ASH1L: variants seen among roughly 807,000 people sequenced by gnomAD.
ASH1L encodes ASH1 like histone lysine methyltransferase, also known as histone-lysine N-methyltransferase ASH1L.
In ASH1L, 23 loss-of-function variants were observed where a neutral mutation model predicts 269.0. The ratio of observed to expected loss-of-function variants is 0.09; its 90% CI spans 0.06 to 0.12. The LOEUF (loss-of-function observed/expected upper bound fraction) is 0.12. ASH1L is among the 10% of genes least tolerant of loss of function. The pLI, the probability that ASH1L is intolerant of heterozygous loss-of-function variation, is 1.00. For missense variants in ASH1L, 2,912 were observed against 3,567.8 expected (o/e 0.82, Z 4.68); for synonymous variants, 1,187 against 1,253.5 (o/e 0.95, Z 1.12).
At chr1:155,466,345 C>A (rs1391733618) in intron 3 of ASH1L, among the ~76,000 whole-genome samples, 2 of 151,942 alleles carry the variant, frequency 1.3e-5, no homozygotes, top group East Asian at 3.8e-4. Context: ...CAGAGTGAGA[C>A]CCCGTCTCAA....
Position 155,521,329 on chromosome 1 carries a change from T to G in ASH1L, c.191A>C (p.Asp64Ala). 1.2e-6 allele frequency: 2 copies of G among 1,614,198 alleles called. No individual in the cohort carries two copies. Among genetic ancestry groups the G allele is most frequent in the South Asian group, 2.2e-5 (2 of 91,086 alleles). The change falls in exon 2 of 28, where the codon GAT becomes GCT. Residue 64 changes from aspartate (D) to alanine (A), a missense_variant. Asp to Ala is a moderately radical substitution (Grantham distance 126). Around this residue, in one of 13 missense-constraint regions of ASH1L, gnomAD observed 115 missense variants for 101.5 expected, o/e 1.13. Transcript: ENST00000392403. The part of the protein sequence containing the change: ...RERNIEAGKD[D>A]GLTDAQQQFS... ...CTGTTGCTGTGCATCAGTCAAACCA[T>G]CATCTTTCCCAGCTTCGATGTTTCT...
chr1:155,461,062 T>A (rs115581297), intron 3 of ASH1L, among the ~76,000 whole-genome samples: 1,568 of 152,230 alleles, frequency 0.01, 29 homozygotes, highest in African/African-American at 0.036. Context: ...GGGAAAAAAT[T>A]ACAAATAAAA....
intron 1 of ASH1L, among the ~76,000 whole-genome samples, chr1:155,549,501 G>A (rs1023363959): frequency 1.3e-5 from 2 of 151,664 alleles, no homozygotes; most frequent in East Asian, 1.9e-4. Context: ...AGCCAGGCAC[G>A]GTAATCCCTG....
chr1:155,401,315 A>G (rs895364913), intron 6 of ASH1L, among the ~76,000 whole-genome samples: 1 of 151,750 alleles, frequency 6.6e-6, no homozygotes, highest in Non-Finnish European at 1.5e-5. Flanking sequence ...CTTCTCTACT[A>G]AAAATACAAA....
At chr1:155,412,241 CA>C (rs556050785) in intron 6 of ASH1L, among the ~76,000 whole-genome samples, 4,715 of 115,624 alleles carry the variant, frequency 0.041, 204 homozygotes, top group African/African-American at 0.13. Flanking sequence ...GACTCCGTCT[CA>C]AAAAAAAAAA....
At chr1:155,376,666 C>T (rs930625376) in intron 10 of ASH1L, among the ~76,000 whole-genome samples, 18 of 149,414 alleles carry the variant, frequency 1.2e-4, no homozygotes, top group South Asian at 2.1e-4. Context: ...CGACAGAGCG[C>T]GACTCTGTCT....
At chr1:155,424,380 A>G (rs1429244484) in intron 5 of ASH1L, among the ~76,000 whole-genome samples, 1 of 152,020 alleles carries the variant, frequency 6.6e-6, no homozygotes, top group Non-Finnish European at 1.5e-5. Flanking sequence ...GGTGGCTATG[A>G]AATTATTACA....
chr1:155,376,410 T>C (rs1656444232), intron 10 of ASH1L, among the ~76,000 whole-genome samples: 1 of 152,194 alleles, frequency 6.6e-6, no homozygotes, highest in African/African-American at 2.4e-5. Flanking sequence ...ATTCACTGAT[T>C]CTTTTTTATT....
chr1:155,546,836 T>C (rs1351008147), intron 1 of ASH1L, among the ~76,000 whole-genome samples: 1 of 150,946 alleles, frequency 6.6e-6, no homozygotes, highest in Non-Finnish European at 1.5e-5. Context: ...GACACTTATA[T>C]AACAAAGAAT....
At position 155,335,884 on chromosome 1, in the gene ASH1L, A is replaced by C. The variant is rs1381364250; in HGVS notation, c.*1776T>G. 1 of 152,386 alleles carries C rather than the reference A, an allele frequency of 6.6e-6. No individual in the cohort carries two copies. Among genetic ancestry groups the C allele is most frequent in the Admixed American group, 6.6e-5 (1 of 15,200 alleles). The allele number at this position is 152,386 out of a possible 1,614,324, so 9.4% of individuals were successfully genotyped here. On this transcript the variant is annotated 3_prime_UTR_variant, in exon 28 of 28. Transcript: ENST00000392403. ...AAAAGGAGACCCCCAAAGTGCCCCT[A>C]GTCCCACCTCCCTCCCACCCACTCC...
At chr1:155,557,141 A>C (rs1671648760) in intron 1 of ASH1L, among the ~76,000 whole-genome samples, 1 of 152,222 alleles carries the variant, frequency 6.6e-6, no homozygotes, top group South Asian at 2.1e-4. Context: ...ATATAATACT[A>C]CAATAAAAAT....
intron 4 of ASH1L, among the ~76,000 whole-genome samples, chr1:155,457,579 G>A (rs994910790): frequency 6.6e-6 from 1 of 152,202 alleles, no homozygotes; most frequent in African/African-American, 2.4e-5. Context: ...GTCATTTCAA[G>A]TGGTTAGTGC....
chr1:155,433,443 G>A (rs746784536), intron 5 of ASH1L: 7 of 1,610,140 alleles, frequency 4.3e-6, no homozygotes, highest in Non-Finnish European at 5.9e-6. Context: ...GTGCCCCAAG[G>A]CGGCTTGGAG....
At chr1:155,346,594 G>A in intron 20 of ASH1L, 125 bp from the exon 21 acceptor site, 1 of 728,058 alleles carries the variant, frequency 1.4e-6, no homozygotes, top group South Asian at 1.6e-5. Flanking sequence ...GGGATAACTG[G>A]GTGAATGATA....
chr1:155,458,601 C>T (rs1230059903), intron 4 of ASH1L, among the ~76,000 whole-genome samples: 1 of 152,112 alleles, frequency 6.6e-6, no homozygotes, highest in Admixed American at 6.5e-5. Context: ...CCTGTAATTC[C>T]AGCTACTCAG....
chr1:155,429,184 C>T (rs1661417957), intron 5 of ASH1L, among the ~76,000 whole-genome samples: 1 of 152,150 alleles, frequency 6.6e-6, no homozygotes, highest in Admixed American at 6.5e-5. Context: ...ACTACAGCAA[C>T]ATGCATTAAC....
Position 155,438,582 on chromosome 1 carries a change from A to G in ASH1L, c.5573T>C (p.Leu1858Pro), listed in dbSNP as rs1053274963. 6.2e-7 allele frequency: 1 copy of G among 1,614,058 alleles called. No homozygotes were observed. Among genetic ancestry groups the G allele is most frequent in the Non-Finnish European group, 8.5e-7 (1 of 1,180,040 alleles). The change falls in exon 5 of 28, where the codon CTT (leucine) becomes CCT (proline). Residue 1858 changes from leucine to proline, a missense_variant. Coordinates refer to ENST00000392403, the MANE Select transcript of ASH1L (RefSeq NM_018489.3). ...RRPGRPRKCP[L>P]QAVVSMQAFQ... ...TGCTTGCATTGATACGACAGCCTGA[A>G]GGGGACATTTCCGAGGTCGACCTGG... is the stretch of plus-strand genomic sequence containing the variant.
At chr1:155,434,197 C>T in intron 5 of ASH1L, 1 of 1,595,308 alleles carries the variant, frequency 6.3e-7, no homozygotes, top group Non-Finnish European at 8.5e-7. Flanking sequence ...CGGTCCCTTT[C>T]CCTGAGGGGG....
rs1227962797 is a variant in ASH1L, at chr1:155,415,836, A to C, written c.5916T>G (p.Leu1972=). 6.2e-7 allele frequency: 1 copy of C among 1,613,952 alleles called. No homozygotes were observed. Among genetic ancestry groups the C allele is most frequent in the African/African-American group, 1.3e-5 (1 of 74,912 alleles). The part of the protein sequence containing the change: ...SEPESTLQPV[L]SLIPREKKPP... ...GCTTCTTTTCCCTTGGGATGAGAGA[A>C]AGCACAGGCTGCAAGGTACTTTCAG... Residue 1972 remains leucine, a synonymous_variant, in exon 6 of 28, where the codon CTT becomes CTG. Coordinates refer to ENST00000392403, the MANE Select transcript of ASH1L (RefSeq NM_018489.3).
Sources: gnomAD v4.1 joint callset for allele counts (sites outside exome capture counted in the v4.1 genomes callset) on GRCh38, gnomAD v4.1.1 for gene constraint, gnomAD v4.1.1 regional missense constraint, MANE v1.5 for transcripts, NCBI Gene and HGNC (gene_info 2026-07-23, HGNC 2026-07-21) for gene names.